Variants in FANCC observed in about 807,000 individuals in gnomAD.
FANCC encodes the protein FA complementation group C, also known as Fanconi anemia group C protein.
In FANCC, 55 loss-of-function variants were observed where a neutral mutation model predicts 71.3. The observed-to-expected ratio is 0.77, with a 90% CI of 0.62 to 0.97. The LOEUF (loss-of-function observed/expected upper bound fraction) is 0.97. Ranked by LOEUF, FANCC falls within the 50% of genes least tolerant of loss-of-function variation. The pLI is 0.00. For synonymous variants in FANCC, 275 were observed against 244.9 expected (o/e 1.12, Z -1.15); for missense variants, 678 against 670.9 (o/e 1.01, Z -0.12).
chr9:95,122,305 G>A (rs1470682679), intron 10 of FANCC, among the ~76,000 whole-genome samples: 4 of 152,046 alleles, frequency 2.6e-5, no homozygotes, highest in African/African-American at 4.8e-5. Flanking sequence ...GAGAAAAGAG[G>A]GTCACGCATC....
At chr9:95,144,132 G>A (rs1829178287) in intron 7 of FANCC, among the ~76,000 whole-genome samples, 1 of 152,186 alleles carries the variant, frequency 6.6e-6, no homozygotes, top group Admixed American at 6.5e-5. Context: ...GCACATCTGG[G>A]GAGGGGGGGC....
chr9:95,222,517 G>A (rs1325511133), intron 4 of FANCC, among the ~76,000 whole-genome samples: 1 of 152,204 alleles, frequency 6.6e-6, no homozygotes, highest in Non-Finnish European at 1.5e-5. Flanking sequence ...AAGGGCAAGA[G>A]AGAACTTTCT....
intron 4 of FANCC, among the ~76,000 whole-genome samples, chr9:95,200,265 T>C (rs1028421326): frequency 5.9e-5 from 9 of 152,138 alleles, no homozygotes; most frequent in Non-Finnish European, 8.8e-5. Flanking sequence ...ACTGGCTACA[T>C]TACCCTAGGA....
At position 95,172,034 on chromosome 9, in the gene FANCC, C is replaced by G; in HGVS notation, c.456+3G>C. 1 of 1,568,794 alleles carries G rather than the reference C, an allele frequency of 6.4e-7. No individual in the cohort carries two copies. Among genetic ancestry groups the G allele is most frequent in the Non-Finnish European group, 8.8e-7 (1 of 1,139,284 alleles). On this transcript the variant is annotated splice_donor_region_variant and intron_variant, in intron 5 of 14. Transcript: ENST00000289081. The stretch of plus-strand genomic sequence containing the variant: ...TCAAAAGTGATAAATTTTAAATACT[C>G]ACATTTTTAAGCAAACCAGGATAGT...
chr9:95,180,195 T>A (rs1339458682), intron 4 of FANCC, among the ~76,000 whole-genome samples: 1 of 152,148 alleles, frequency 6.6e-6, no homozygotes, highest in Non-Finnish European at 1.5e-5. Context: ...CACTGTCTTC[T>A]ACCTCCACAT....
intron 4 of FANCC, among the ~76,000 whole-genome samples, chr9:95,196,728 G>A (rs972114838): frequency 6.6e-6 from 1 of 152,110 alleles, no homozygotes; most frequent in Non-Finnish European, 1.5e-5. Flanking sequence ...TGTCTGCTTC[G>A]GTTCACATTT....
intron 4 of FANCC, among the ~76,000 whole-genome samples, chr9:95,231,985 T>G (rs1830036851): frequency 6.6e-6 from 1 of 152,140 alleles, no homozygotes; most frequent in Admixed American, 6.5e-5. Flanking sequence ...ATGAATAATT[T>G]ATGAAGTAAT....
intron 9 of FANCC, 42 bp downstream of exon 9, chr9:95,126,487 C>G (rs1564667593): frequency 1.3e-6 from 2 of 1,584,440 alleles, no homozygotes; most frequent in African/African-American, 1.3e-5. Context: ...GAAATGGAAC[C>G]TTTTTTACAT....
intron 1 of FANCC, among the ~76,000 whole-genome samples, chr9:95,252,813 C>T (rs997033864): frequency 2.0e-5 from 3 of 149,144 alleles, no homozygotes; most frequent in Middle Eastern, 3.5e-3. Context: ...ATTTGGCAGG[C>T]GGTCACAGGA....
chr9:95,111,931 C>T (rs1020901294), intron 12 of FANCC, among the ~76,000 whole-genome samples: 10 of 152,164 alleles, frequency 6.6e-5, no homozygotes, highest in African/African-American at 9.7e-5. Flanking sequence ...AGGAAGACTG[C>T]GGCCATGACC....
At chr9:95,174,098 G>A (rs891187752) in intron 4 of FANCC, among the ~76,000 whole-genome samples, 5 of 152,078 alleles carry the variant, frequency 3.3e-5, no homozygotes, top group African/African-American at 1.2e-4. Flanking sequence ...CCTCAGACTG[G>A]GTCATTTATA....
chr9:95,137,657 T>G (rs939402979), intron 7 of FANCC, among the ~76,000 whole-genome samples: 1 of 152,120 alleles, frequency 6.6e-6, no homozygotes, highest in Non-Finnish European at 1.5e-5. Context: ...GCAGAGATAT[T>G]CAATAGGTCC....
intron 1 of FANCC, among the ~76,000 whole-genome samples, chr9:95,269,341 G>C (rs1403552632): frequency 6.6e-6 from 1 of 152,244 alleles, no homozygotes. Flanking sequence ...ATGAGGCACA[G>C]TGCTGTGATG....
At chr9:95,256,336 C>T (rs1033726473) in intron 1 of FANCC, among the ~76,000 whole-genome samples, 2 of 152,190 alleles carry the variant, frequency 1.3e-5, no homozygotes, top group African/African-American at 2.4e-5. Flanking sequence ...AGACTAACAG[C>T]GGATCTCTCT....
chr9:95,314,695 A>T (rs2136439570), intron 1 of FANCC, among the ~76,000 whole-genome samples: 1 of 152,268 alleles, frequency 6.6e-6, no homozygotes, highest in South Asian at 2.1e-4. Context: ...TCGATAAAAA[A>T]AATTTTAATG....
At chr9:95,172,823 G>C (rs1302461428) in intron 4 of FANCC, among the ~76,000 whole-genome samples, 2 of 152,138 alleles carry the variant, frequency 1.3e-5, no homozygotes, top group Admixed American at 1.3e-4. Context: ...TCAAGTATCT[G>C]AATGAGAAAG....
intron 13 of FANCC, chr9:95,107,561 G>C (rs752970833): frequency 2.5e-5 from 13 of 514,132 alleles, no homozygotes; most frequent in African/African-American, 1.1e-4. Flanking sequence ...ACAGAATGTA[G>C]TCAGATTTTT....
rs757786105 is a variant in FANCC at position 95,101,660 on chromosome 9, G to A, written c.*47C>T. 7 of 1,610,164 alleles carry A rather than the reference G, an allele frequency of 4.3e-6. No homozygotes were observed. Among genetic ancestry groups the A allele is most frequent in the African/African-American group, 4.0e-5 (3 of 74,874 alleles). On this transcript the variant is annotated 3_prime_UTR_variant, in exon 15 of 15. Coordinates refer to ENST00000289081, the MANE Select transcript of FANCC (RefSeq NM_000136.3). ...GGTCATCACCTGTCCTGTGGCCCTG[G>A]CGAGCCTGATCCCTCACGCCGGGCA...
At chr9:95,101,971 G>T in intron 14 of FANCC, 121 bp from the exon 15 acceptor site, 1 of 1,149,002 alleles carries the variant, frequency 8.7e-7, no homozygotes, top group Non-Finnish European at 1.3e-6. Flanking sequence ...ATTTCCATCA[G>T]TTCCAAAGTA....
Sources: allele counts gnomAD v4.1 joint callset (sites outside exome capture counted in the v4.1 genomes callset), GRCh38; gene constraint gnomAD v4.1.1; transcripts MANE v1.5; gene names NCBI Gene and HGNC (gene_info 2026-07-23, HGNC 2026-07-21).